The following UQCC1 variants were observed in gnomAD, a reference collection of about 807,000 sequenced individuals.
The protein encoded by UQCC1 is bFGF-repressed Zic-binding protein.
In UQCC1, 38 loss-of-function variants were observed where a neutral mutation model predicts 48.0. That is an observed-to-expected ratio of 0.79 (90% CI 0.61 to 1.04). The LOEUF (loss-of-function observed/expected upper bound fraction) is 1.04, where lower values mean the gene tolerates loss of function less well. Ranked by LOEUF, UQCC1 falls within the 50% of genes least tolerant of loss-of-function variation. The pLI is 0.00. For synonymous variants in UQCC1, 111 were observed against 129.2 expected, an observed-to-expected ratio of 0.86 and a Z score of 0.95; for missense variants, 368 against 381.8, an observed-to-expected ratio of 0.96 and a Z score of 0.30.
chr20:35,317,686 C>T (rs1298125128), intron 7 of UQCC1, among the ~76,000 whole-genome samples: 4 of 152,330 alleles, frequency 2.6e-5, no homozygotes, highest in Non-Finnish European at 5.9e-5. Flanking sequence ...TGATTAATCT[C>T]GGCACCCCCA....
chr20:35,305,720 T>C (rs2146288813), intron 9 of UQCC1, among the ~76,000 whole-genome samples: 1 of 152,352 alleles, frequency 6.6e-6, no homozygotes, highest in South Asian at 2.1e-4. Flanking sequence ...CCCTGTCTTC[T>C]CAAGAGCTGA....
chr20:35,410,255 C>G (rs2062328943), intron 1 of UQCC1: 1 of 152,110 alleles, frequency 6.6e-6, no homozygotes, highest in Non-Finnish European at 1.5e-5. Flanking sequence ...GTTGTCAGGC[C>G]AGGCTCGGTG....
rs1172477070 is a variant in UQCC1, at chr20:35,381,950, C to T, written c.301G>A (p.Gly101Arg). 6.2e-7 allele frequency: 1 copy of T among 1,611,726 alleles called. No homozygotes were observed. The change falls in exon 4 of 10, where the codon GGA becomes AGA. Residue 101 changes from glycine to arginine, a missense_variant. Coordinates refer to ENST00000374385, the MANE Select transcript of UQCC1 (RefSeq NM_018244.5). ...GAFTKIIEAM[G>R]FTGPLKYSKW... ...CTGTATTTCAAAGGTCCCGTGAATC[C>T]CATGGCTTCTATTATCTTTGTGAAA... is the stretch of plus-strand genomic sequence containing the variant.
At chr20:35,390,816 C>G (rs762873554) in intron 2 of UQCC1, among the ~76,000 whole-genome samples, 1 of 152,102 alleles carries the variant, frequency 6.6e-6, no homozygotes, top group South Asian at 2.1e-4. Context: ...TATGTATCCC[C>G]TGATATGATG....
At chr20:35,382,489 ATTTTCTTTTTTTTTTCTT>A (rs1165629207) in intron 3 of UQCC1, among the ~76,000 whole-genome samples, 1 of 119,822 alleles carries the variant, frequency 8.3e-6, no homozygotes, top group African/African-American at 3.0e-5. Context: ...ACAATTTTTA[ATTTTCTTTTTTTTTTCTT>A]TTTTCTTTTT....
chr20:35,319,502 T>C (rs1429397117), intron 7 of UQCC1, among the ~76,000 whole-genome samples: 1 of 152,210 alleles, frequency 6.6e-6, no homozygotes, highest in African/African-American at 2.4e-5. Flanking sequence ...ATAATAAAAA[T>C]GTTACCTTAA....
chr20:35,331,400 T>TAA (rs769097691), intron 7 of UQCC1, among the ~76,000 whole-genome samples: 111 of 134,440 alleles, frequency 8.3e-4, no homozygotes, highest in Non-Finnish European at 1.4e-3. Context: ...GACAGTTATT[T>TAA]AAAAAAAAAA....
At position 35,385,880 on chromosome 20, in the gene UQCC1, T is replaced by TAGCA. The variant is rs528891606; in HGVS notation, c.130-1751_130-1748dup. On this transcript the variant is annotated intron_variant, in intron 2 of 9. Transcript: ENST00000374385. ...TTTTTTAACAGCAGTTTTAGGCTCA[T>TAGCA]AGCAAAACTTCCTGGAAAGGGCAGA... is the stretch of plus-strand genomic sequence containing the variant. Among the ~76,000 whole-genome samples, 711 of 150,032 alleles carry TAGCA rather than the reference T, an allele frequency of 4.7e-3. 3 individuals are homozygous for TAGCA. The highest frequency in any genetic ancestry group is 7.2e-3 in the Non-Finnish European group (486 of 67,620).
At chr20:35,379,738 G>A (rs530044649) in intron 4 of UQCC1, among the ~76,000 whole-genome samples, 6 of 152,058 alleles carry the variant, frequency 3.9e-5, no homozygotes, top group Admixed American at 6.5e-5. Flanking sequence ...CCTGGGAGGC[G>A]GAGGTTACAG....
Position 35,374,165 on chromosome 20 carries a change from C to T in UQCC1, c.406+19G>A. Reference sequence around the variant, plus strand: ...TGTAGATTTGTTCTCCTTTTCAGTACTATCAAACAATAACTTACTTAGAAA... The same window carrying T: ...TGTAGATTTGTTCTCCTTTTCAGTATTATCAAACAATAACTTACTTAGAAA... On this transcript the variant is annotated intron_variant, in intron 5 of 9. Transcript: ENST00000374385. 6.3e-7 allele frequency: 1 copy of T among 1,589,674 alleles called. No homozygotes were observed. Among genetic ancestry groups the T allele is most frequent in the Non-Finnish European group, 8.6e-7 (1 of 1,159,856 alleles).
At chr20:35,401,949 C>T (rs1195371793) in intron 1 of UQCC1, among the ~76,000 whole-genome samples, 1 of 152,034 alleles carries the variant, frequency 6.6e-6, no homozygotes, top group Admixed American at 6.6e-5. Flanking sequence ...GCATGAGCCA[C>T]CATGCCCAGC....
intron 1 of UQCC1, among the ~76,000 whole-genome samples, chr20:35,407,427 A>T (rs2062268621): frequency 7.0e-6 from 1 of 142,880 alleles, no homozygotes; most frequent in Admixed American, 7.5e-5. Flanking sequence ...GACCCTGTCA[A>T]AAAAAAAAGA....
At chr20:35,366,086 T>G (rs2061663188) in intron 6 of UQCC1, among the ~76,000 whole-genome samples, 1 of 152,238 alleles carries the variant, frequency 6.6e-6, no homozygotes, top group African/African-American at 2.4e-5. Context: ...TAAATATTTT[T>G]ACATGCAACA....
intron 7 of UQCC1, among the ~76,000 whole-genome samples, chr20:35,336,445 C>T (rs939746530): frequency 2.0e-5 from 3 of 152,166 alleles, no homozygotes; most frequent in Admixed American, 2.0e-4. Context: ...ACATATCCTT[C>T]CTTTTAAGAG....
intron 1 of UQCC1, among the ~76,000 whole-genome samples, chr20:35,411,059 A>C (rs2062355762): frequency 6.6e-6 from 1 of 152,180 alleles, no homozygotes; most frequent in Admixed American, 6.5e-5. Context: ...TAGACACAGG[A>C]ATAGACCATG....
At chr20:35,402,870 A>T (rs1399632836) in intron 1 of UQCC1, among the ~76,000 whole-genome samples, 1 of 151,854 alleles carries the variant, frequency 6.6e-6, no homozygotes, top group Non-Finnish European at 1.5e-5. Context: ...GTTTGCAACC[A>T]GCCTGGGCAA....
chr20:35,354,845 G>A (rs57318104), intron 6 of UQCC1, among the ~76,000 whole-genome samples: 1,851 of 152,246 alleles, frequency 0.012, 35 homozygotes, highest in African/African-American at 0.041. Flanking sequence ...AACAACTTAC[G>A]AAACCTATTT....
At chr20:35,381,668 A>G (rs1444250735) in intron 4 of UQCC1, among the ~76,000 whole-genome samples, 1 of 152,200 alleles carries the variant, frequency 6.6e-6, no homozygotes, top group South Asian at 2.1e-4. Flanking sequence ...ATCCTCTTCA[A>G]CCAAGAACAC....
intron 8 of UQCC1, 126 bp downstream of exon 8, chr20:35,314,562 A>C: frequency 1.5e-6 from 1 of 670,714 alleles, no homozygotes; most frequent in Non-Finnish European, 2.5e-6. Flanking sequence ...GAATATGAAG[A>C]AATAAATACT....
Sources: allele counts gnomAD v4.1 joint callset (sites outside exome capture counted in the v4.1 genomes callset), GRCh38; gene constraint gnomAD v4.1.1; transcripts MANE v1.5; gene names NCBI Gene and HGNC (gene_info 2026-07-23, HGNC 2026-07-21).